NPAS4: variants seen among roughly 807,000 people sequenced by gnomAD.
The protein encoded by NPAS4 is neuronal PAS domain protein 4, also known as neuronal PAS domain-containing protein 4.
In NPAS4, 10 loss-of-function variants were observed where a neutral mutation model predicts 64.0. That is an observed-to-expected ratio of 0.16 (90% CI 0.10 to 0.26). NPAS4 has a LOEUF of 0.26. Ranked by LOEUF, NPAS4 falls within the 10% of genes least tolerant of loss-of-function variation. NPAS4 has a pLI of 1.00. For missense variants in NPAS4, 886 were observed against 992.6 expected, an observed-to-expected ratio of 0.89 and a Z score of 1.44; for synonymous variants, 441 against 411.7, an observed-to-expected ratio of 1.07 and a Z score of -0.86.
Position 66,423,711 on chromosome 11 carries a change from C to G in NPAS4, c.942C>G (p.Ile314Met). ...CCATTACTGCCAATAACTACCCAAT[C>G]AGGTAAGCCACAAGCCAGGGGACTA... ...EGPITANNYP[I>M]SDMEAWSLRQ... Residue 314 changes from isoleucine (I) to methionine (M), a missense_variant and splice_region_variant, in exon 6 of 8, where the codon ATC becomes ATG. By Grantham distance (10) the Ile-to-Met change is conservative (BLOSUM62 1). This residue lies in a region of NPAS4 where 820 missense variants were observed against 855.5 expected (regional missense o/e 0.96). Transcript: ENST00000311034. 2 of 1,614,128 alleles carry G rather than the reference C, an allele frequency of 1.2e-6. No individual in the cohort carries two copies. The highest frequency in any genetic ancestry group is 1.7e-6 in the Non-Finnish European group (2 of 1,180,008).
At chr11:66,425,327 G>C (rs191117481) in intron 7 of NPAS4, 57 bp downstream of exon 7, 3 of 1,005,880 alleles carry the variant, frequency 3.0e-6, no homozygotes, top group African/African-American at 1.7e-5. Context: ...TGAAATGCTG[G>C]GTAGATTTAG....
chr11:66,422,486 C>T lies in NPAS4; in HGVS notation c.363C>T (p.Asp121=). ...DLVAQGDSIY[D]IIDPADHLTV... ...TTGCCCAGGGTGACAGCATCTACGA[C>T]ATCATTGACCCAGCTGACCACCTCA... The change falls in exon 3 of 8, where the codon GAC becomes GAT. Residue 121 remains aspartate, a synonymous_variant. Transcript: ENST00000311034. The T allele has an allele frequency of 6.2e-7, 1 of 1,614,080 alleles. No individual in the cohort carries two copies. Among genetic ancestry groups the T allele is most frequent in the South Asian group, 1.1e-5 (1 of 91,084 alleles).
At chr11:66,414,408 C>T in the NPAS4 span, among the ~76,000 whole-genome samples, 1 of 152,198 alleles carries the variant, frequency 6.6e-6, no homozygotes, top group Non-Finnish European at 1.5e-5. Context: ...GCCCTGCCTT[C>T]AGGACATTGC....
Position 66,426,286 on chromosome 11 carries a change from G to A in NPAS4, c.*297G>A. ...AATGGGGGAGTCTCACTTCCCCGCC[G>A]CCTTGCCCCATTGGCCTGGGCCAGT... On this transcript the variant is annotated 3_prime_UTR_variant, in exon 8 of 8. Coordinates refer to ENST00000311034, the MANE Select transcript of NPAS4 (RefSeq NM_178864.4). The A allele has an allele frequency of 2.8e-6, 1 of 362,004 alleles. No homozygotes were observed. Among genetic ancestry groups the A allele is most frequent in the Non-Finnish European group, 5.2e-6 (1 of 192,564 alleles). 22.4% of individuals were successfully genotyped at this position (362,004 alleles called of 1,614,324 possible). A position where few individuals can be genotyped will look rare whatever the true frequency, so the allele number is the denominator to read the frequency against.
At chr11:66,417,308 G>A (rs984559588), upstream of NPAS4, among the ~76,000 whole-genome samples, 13 of 151,822 alleles carry the variant, frequency 8.6e-5, no homozygotes, top group African/African-American at 2.2e-4. Flanking sequence ...GTGCATGCGC[G>A]CTACACATGC....
chr11:66,423,357 C>G, intron 5 of NPAS4, 125 bp downstream of exon 5: 1 of 816,550 alleles, frequency 1.2e-6, no homozygotes, highest in Non-Finnish European at 2.0e-6. Context: ...GTTTCGGATG[C>G]TATAGGGTGA....
At chr11:66,425,399 G>A (rs948786127) in intron 7 of NPAS4, 129 bp downstream of exon 7, 3 of 525,000 alleles carry the variant, frequency 5.7e-6, no homozygotes, top group Non-Finnish European at 9.8e-6. Context: ...CCCTGCTGAA[G>A]AGAGTAGCAG....
At chr11:66,412,331 G>A in the NPAS4 span, among the ~76,000 whole-genome samples, 1 of 152,192 alleles carries the variant, frequency 6.6e-6, no homozygotes, top group Non-Finnish European at 1.5e-5. Flanking sequence ...AGCCTGCTGG[G>A]GCCCGAGCCA....
chr11:66,415,500 T>C, the NPAS4 span, among the ~76,000 whole-genome samples: 1 of 152,250 alleles, frequency 6.6e-6, no homozygotes, highest in Admixed American at 6.5e-5. Flanking sequence ...AAAAGTTCTT[T>C]AGGCTTTTTG....
At chr11:66,412,070 C>T in the NPAS4 span, among the ~76,000 whole-genome samples, 1 of 152,200 alleles carries the variant, frequency 6.6e-6, no homozygotes, top group Non-Finnish European at 1.5e-5. Context: ...AAGCTGGAGC[C>T]TCTGGAGGCT....
At chr11:66,422,599 G>C (rs1590694142) in intron 3 of NPAS4, 46 bp downstream of exon 3, 2 of 1,599,200 alleles carry the variant, frequency 1.3e-6, no homozygotes, top group East Asian at 4.5e-5. Context: ...CCCACCTGCT[G>C]CCCTTCTCCC....
intron 5 of NPAS4, 36 bp downstream of exon 5, chr11:66,423,268 G>T: frequency 7.3e-7 from 1 of 1,373,508 alleles, no homozygotes; most frequent in Middle Eastern, 1.8e-4. Flanking sequence ...AAGATAGCAA[G>T]CTGGGAAAGG....
intron 7 of NPAS4, 36 bp downstream of exon 7, chr11:66,425,306 T>A: frequency 7.9e-7 from 1 of 1,265,916 alleles, no homozygotes; most frequent in Non-Finnish European, 1.1e-6. Flanking sequence ...CTCAAGTCCC[T>A]GTCCTGCCAA....
chr11:66,425,392 TGC>T, intron 7 of NPAS4, 122 bp downstream of exon 7: 1 of 551,248 alleles, frequency 1.8e-6, no homozygotes, highest in Non-Finnish European at 3.1e-6. Context: ...TGACATCCCC[TGC>T]TGAAGAGAGT....
intron 4 of NPAS4, 85 bp from the exon 5 acceptor site, chr11:66,423,038 G>C: frequency 6.6e-7 from 1 of 1,518,656 alleles, no homozygotes; most frequent in South Asian, 1.2e-5. Flanking sequence ...GGGTTTAGGG[G>C]GGCAGAGGAT....
chr11:66,424,644 A>T lies in NPAS4; in HGVS notation c.1754A>T (p.Asp585Val). ...AGTCCTAGCAGCCCTGGTAATGGGG[A>T]CTGCACGCTCTTGGCCCTAGCCCAG... ...PPSPSSPGNGDCTLLALAQLR... is the reference protein window; with the variant it reads ...PPSPSSPGNGVCTLLALAQLR... Residue 585 changes from aspartate (D) to valine (V), a missense_variant, in exon 7 of 8, where the codon GAC (aspartate) becomes GTC (valine). This residue lies in a region of NPAS4 where 820 missense variants were observed against 855.5 expected (regional missense o/e 0.96). Transcript: ENST00000311034. The T allele has an allele frequency of 6.2e-7, 1 of 1,614,092 alleles. No individual in the cohort carries two copies. The highest frequency in any genetic ancestry group is 8.5e-7 in the Non-Finnish European group (1 of 1,179,990).
chr11:66,411,287 G>A, the NPAS4 span, among the ~76,000 whole-genome samples: 1 of 152,230 alleles, frequency 6.6e-6, no homozygotes, highest in South Asian at 2.1e-4. Context: ...TCAAGTGCCA[G>A]AGGTTGGGAG....
Position 66,426,333 on chromosome 11 carries a change from C to A in NPAS4, c.*344C>A, listed in dbSNP as rs112594222. On this transcript the variant is annotated 3_prime_UTR_variant, in exon 8 of 8. Transcript: ENST00000311034. ...CAGTTCTCCACTCCTAGGGGCCAAGCCACCCCTAGCCTTGGTGGGGGAAAG... is the reference window on the plus strand; with the variant it reads ...CAGTTCTCCACTCCTAGGGGCCAAGACACCCCTAGCCTTGGTGGGGGAAAG... 5.5e-5 allele frequency: 13 copies of A among 234,972 alleles called. No individual in the cohort carries two copies. The highest frequency in any genetic ancestry group is 1.6e-4 in the African/African-American group (7 of 44,564). 14.6% of individuals were successfully genotyped at this position (234,972 alleles called of 1,614,324 possible).
At position 66,426,289 on chromosome 11, in the gene NPAS4, T is replaced by A. The variant is rs1357795029; in HGVS notation, c.*300T>A. The stretch of plus-strand genomic sequence containing the variant: ...GGGGGAGTCTCACTTCCCCGCCGCC[T>A]TGCCCCATTGGCCTGGGCCAGTTCT... On this transcript the variant is annotated 3_prime_UTR_variant, in exon 8 of 8. Coordinates refer to ENST00000311034, the MANE Select transcript of NPAS4 (RefSeq NM_178864.4). 2.8e-6 allele frequency: 1 copy of A among 354,278 alleles called. No individual in the cohort carries two copies. The highest frequency in any genetic ancestry group is 5.3e-6 in the Non-Finnish European group (1 of 187,676). The allele number at this position is 354,278 out of a possible 1,614,324, so 21.9% of individuals were successfully genotyped here.
Sources: allele counts gnomAD v4.1 joint callset (sites outside exome capture counted in the v4.1 genomes callset), GRCh38; gene constraint gnomAD v4.1.1; regional missense constraint gnomAD v4.1.1; transcripts MANE v1.5; gene names NCBI Gene and HGNC (gene_info 2026-07-23, HGNC 2026-07-21).